The following BRWD1 variants were observed in gnomAD, a reference collection of about 807,000 sequenced individuals.
BRWD1 encodes bromodomain and WD repeat-containing protein 1.
In BRWD1, 82 loss-of-function variants were observed where a neutral mutation model predicts 251.2. The ratio of observed to expected loss-of-function variants is 0.33; its 90% CI spans 0.27 to 0.39. The LOEUF (loss-of-function observed/expected upper bound fraction) is 0.39, where lower values mean the gene tolerates loss of function less well. Ranked by LOEUF, BRWD1 falls within the 10% of genes least tolerant of loss-of-function variation. The probability of loss-of-function intolerance (pLI) is 1.00; values close to 1 mark genes in which losing one functional copy is unlikely to be tolerated. For synonymous variants in BRWD1, 918 were observed against 902.8 expected, an observed-to-expected ratio of 1.02 and a Z score of -0.30; for missense variants, 2,233 against 2,711.6, an observed-to-expected ratio of 0.82 and a Z score of 3.92.
intron 21 of BRWD1, among the ~76,000 whole-genome samples, chr21:39,245,271 GT>G (rs2034144518): frequency 6.6e-6 from 1 of 151,906 alleles, no homozygotes; most frequent in African/African-American, 2.4e-5. Context: ...TAAACAGATG[GT>G]TTTAATCATA....
At position 39,308,418 on chromosome 21, in the gene BRWD1, G is replaced by A. The variant is rs1406862126; in HGVS notation, c.198+4423C>T. 2.0e-5 allele frequency among the ~76,000 whole-genome samples: 3 copies of A among 150,174 alleles called. No individual in the cohort carries two copies. In the Admixed American group the frequency reaches 2.0e-4, roughly 10 times the overall value. ...AACTGCATGAACCTGTGAGGCAGAG[G>A]TTGCAGTCAGCCAAGATTATACCAC... On this transcript the variant is annotated intron_variant, in intron 4 of 40. Coordinates refer to ENST00000342449, the MANE Select transcript of BRWD1 (RefSeq NM_033656.4).
chr21:39,188,745 A>G lies in BRWD1; in HGVS notation c.*7514T>C, dbSNP rs2031385740. 4.1e-6 allele frequency: 4 copies of G among 985,406 alleles called. No homozygotes were observed. The South Asian group carries it at 1.4e-4, about 35-fold the overall frequency. The allele number at this position is 985,406 out of a possible 1,614,324, so 61.0% of individuals were successfully genotyped here. ...AAGATCAGTTGAGCGTTCTCCCCAG[A>G]ATAGGTTAGGAAATACTTTATTCAA... On this transcript the variant is annotated 3_prime_UTR_variant, in exon 41 of 41. Transcript: ENST00000342449.
intron 17 of BRWD1, among the ~76,000 whole-genome samples, chr21:39,261,467 C>T (rs1601408803): frequency 6.6e-6 from 1 of 152,236 alleles, no homozygotes; most frequent in Non-Finnish European, 1.5e-5. Flanking sequence ...AATATAATAA[C>T]TCCTACTATT....
At chr21:39,216,738 G>A in intron 31 of BRWD1, 1 of 413,676 alleles carries the variant, frequency 2.4e-6, no homozygotes, top group Non-Finnish European at 4.7e-6. Context: ...CACAACAAAA[G>A]TAAAGCCTGA....
intron 8 of BRWD1, among the ~76,000 whole-genome samples, chr21:39,282,504 A>C (rs1475004148): frequency 6.6e-6 from 1 of 152,222 alleles, no homozygotes; most frequent in Non-Finnish European, 1.5e-5. Context: ...ATTTTTGTTA[A>C]TTAAAATTGA....
At chr21:39,185,295 T>TTAAAAAAAAAAAAA (rs369755854), downstream of BRWD1, 1 of 71,838 alleles carries the variant, frequency 1.4e-5, no homozygotes, top group Non-Finnish European at 2.8e-5. Flanking sequence ...CTGAAATTGC[T>TTAAAAAAAAAAAAA]AAAAAAAAAA....
Position 39,185,771 on chromosome 21 carries a change from GT to G in BRWD1, c.*10487del, listed in dbSNP as rs2031198473. 6.6e-6 allele frequency: 1 copy of G among 151,656 alleles called. No individual in the cohort carries two copies. The highest frequency in any genetic ancestry group is 2.4e-5 in the African/African-American group (1 of 41,324). The allele number at this position is 151,656 out of a possible 1,614,324, so 9.4% of individuals were successfully genotyped here. A position where few individuals can be genotyped will look rare whatever the true frequency, so the allele number is the denominator to read the frequency against. On this transcript the variant is annotated 3_prime_UTR_variant, in exon 41 of 41. Transcript: ENST00000342449. Reference sequence around the variant, plus strand: ...GAAAACCCTAGGTTTCTGTAGTTTAGTTTTTCAGATTTACACATGCAAATCA... The same window carrying G: ...GAAAACCCTAGGTTTCTGTAGTTTAGTTTTCAGATTTACACATGCAAATCA...
chr21:39,295,723 A>C lies in BRWD1; in HGVS notation c.609+20T>G. On this transcript the variant is annotated intron_variant, in intron 7 of 40. Coordinates refer to ENST00000342449, the MANE Select transcript of BRWD1 (RefSeq NM_033656.4). ...AAGTACTCTAGATGACATCAAATCA[A>C]GTTTAAAATTTTTACTCACTGTAAA... 1 of 1,535,476 alleles carries C rather than the reference A, an allele frequency of 6.5e-7. No individual in the cohort carries two copies. The highest frequency in any genetic ancestry group is 8.8e-7 in the Non-Finnish European group (1 of 1,135,814).
intron 15 of BRWD1, among the ~76,000 whole-genome samples, chr21:39,267,896 T>C (rs1436461605): frequency 2.6e-5 from 4 of 151,684 alleles, no homozygotes; most frequent in Non-Finnish European, 5.9e-5. Flanking sequence ...TCTTTAAAAA[T>C]AAAAATTTCA....
intron 22 of BRWD1, 106 bp downstream of exon 22, chr21:39,238,373 C>A: frequency 2.2e-4 from 149 of 672,354 alleles, no homozygotes; most frequent in East Asian, 5.0e-4. Flanking sequence ...GTATTAAAAA[C>A]TGTTCCACAG....
intron 21 of BRWD1, among the ~76,000 whole-genome samples, chr21:39,239,099 T>G (rs1314937407): frequency 6.6e-6 from 1 of 152,206 alleles, no homozygotes; most frequent in Admixed American, 6.5e-5. Flanking sequence ...TTATCAGATA[T>G]AAGTTTTACT....
In BRWD1 at chr21:39,247,742, C is replaced by G. The variant is rs2034245932; in HGVS notation, c.2440G>C (p.Glu814Gln). The change falls in exon 21 of 41, where the codon GAG becomes CAG. Residue 814 changes from glutamate to glutamine, a missense_variant. Transcript: ENST00000342449. The part of the protein sequence containing the change: ...NYGRRNRSWR[E>Q]LSSGNESSSS... ...GAAGACTCATTTCCAGAAGATAACT[C>G]ACGCCAGCTACGATTTCTTCTACCA... 1 of 1,613,448 alleles carries G rather than the reference C, an allele frequency of 6.2e-7. No individual in the cohort carries two copies. Among genetic ancestry groups the G allele is most frequent in the South Asian group, 1.1e-5 (1 of 90,970 alleles).
chr21:39,244,527 G>A (rs1201272369), intron 21 of BRWD1, among the ~76,000 whole-genome samples: 1 of 152,116 alleles, frequency 6.6e-6, no homozygotes, highest in Non-Finnish European at 1.5e-5. Context: ...TGCCTCCCAG[G>A]CATAATAAAA....
chr21:39,311,576 G>A (rs1354223384), intron 4 of BRWD1, among the ~76,000 whole-genome samples: 1 of 152,132 alleles, frequency 6.6e-6, no homozygotes, highest in Non-Finnish European at 1.5e-5. Context: ...CCGCTTCACC[G>A]ATAAGGCTAT....
At position 39,212,679 on chromosome 21, in the gene BRWD1, G is replaced by T; in HGVS notation, c.3887C>A (p.Ser1296Tyr). Residue 1296 changes from serine (S) to tyrosine (Y), a missense_variant, in exon 34 of 41, where the codon TCT (serine) becomes TAT (tyrosine). By Grantham distance (144) the Ser-to-Tyr change is moderately radical. This residue lies in a region of BRWD1 where 167 missense variants were observed against 183.2 expected (regional missense o/e 0.91). Coordinates refer to ENST00000342449, the MANE Select transcript of BRWD1 (RefSeq NM_033656.4). The part of the protein sequence containing the change: ...LDDSDLPKTS[S>Y]GRRRVHDGKK... Reference sequence around the variant, plus strand: ...AGAGTAACTTACTCTCCTCCTTCCAGAAGATGTTTTAGGAAGATCACTATC... The same window carrying T: ...AGAGTAACTTACTCTCCTCCTTCCATAAGATGTTTTAGGAAGATCACTATC... 1.3e-6 allele frequency: 2 copies of T among 1,578,534 alleles called. No homozygotes were observed. Among genetic ancestry groups the T allele is most frequent in the Non-Finnish European group, 1.7e-6 (2 of 1,151,534 alleles).
chr21:39,246,800 C>T (rs1234659646), intron 21 of BRWD1, among the ~76,000 whole-genome samples: 4 of 152,062 alleles, frequency 2.6e-5, no homozygotes, highest in Admixed American at 2.0e-4. Flanking sequence ...AGAGCCCGTC[C>T]GGCTGGGCGT....
At chr21:39,270,205 A>T in intron 14 of BRWD1, 78 bp downstream of exon 14, 7 of 1,353,320 alleles carry the variant, frequency 5.2e-6, no homozygotes, top group Non-Finnish European at 6.9e-6. Flanking sequence ...CTTGTTCAAT[A>T]TATTATTTTT....
chr21:39,290,741 T>C (rs938217625), intron 8 of BRWD1, among the ~76,000 whole-genome samples: 3 of 152,176 alleles, frequency 2.0e-5, no homozygotes, highest in Admixed American at 6.5e-5. Context: ...TAGCAAGAAT[T>C]TGAATTAATT....
Position 39,295,920 on chromosome 21 carries a change from A to G in BRWD1, c.449-17T>C. 6.4e-7 allele frequency: 1 copy of G among 1,569,744 alleles called. No individual in the cohort carries two copies. The highest frequency in any genetic ancestry group is 8.6e-7 in the Non-Finnish European group (1 of 1,156,636). On this transcript the variant is annotated splice_polypyrimidine_tract_variant and intron_variant, in intron 6 of 40. Coordinates refer to ENST00000342449, the MANE Select transcript of BRWD1 (RefSeq NM_033656.4). ...GTATCTCCACTAGGAAATAAAAACA[A>G]TGAAAATGGTTAAGGGAGAGCCAAT...
Sources: allele counts gnomAD v4.1 joint callset (sites outside exome capture counted in the v4.1 genomes callset), GRCh38; gene constraint gnomAD v4.1.1; regional missense constraint gnomAD v4.1.1; transcripts MANE v1.5; gene names NCBI Gene and HGNC (gene_info 2026-07-23, HGNC 2026-07-21).